Variants in SH3RF3 observed in about 807,000 individuals in gnomAD.
The protein encoded by SH3RF3 is E3 ubiquitin-protein ligase SH3RF3.
Under a neutral mutation model 66.3 loss-of-function variants are expected in SH3RF3, and 29 were observed. The observed-to-expected ratio is 0.44, with a 90% CI of 0.33 to 0.60. The LOEUF is 0.60. Among genes scored for constraint, SH3RF3 ranks in the 20% least tolerant of loss-of-function variants. The probability of loss-of-function intolerance (pLI) is 0.04; values close to 1 mark genes in which losing one functional copy is unlikely to be tolerated. For missense variants in SH3RF3, 1,194 were observed against 1,190.9 expected (o/e 1.00, Z -0.04); for synonymous variants, 583 against 532.0 (o/e 1.10, Z -1.32).
Position 109,129,279 on chromosome 2 carries a change from G to A in SH3RF3, c.-262G>A. The A allele has an allele frequency of 1.5e-6, 1 of 645,782 alleles. No homozygotes were observed. Among genetic ancestry groups the A allele is most frequent in the Non-Finnish European group, 2.7e-6 (1 of 375,350 alleles). 40.0% of individuals were successfully genotyped at this position (645,782 alleles called of 1,614,324 possible). A position where few individuals can be genotyped will look rare whatever the true frequency, so the allele number is the denominator to read the frequency against. ...GGGGCGGACTTGCGGCGGGACAGGT[G>A]TAGCCCGCAGCCGCAGGCGCTGCGC... is the stretch of plus-strand genomic sequence containing the variant. On this transcript the variant is annotated 5_prime_UTR_variant, in exon 1 of 10. Transcript: ENST00000309415.
chr2:109,426,727 G>A (rs1272149508), intron 5 of SH3RF3, among the ~76,000 whole-genome samples: 1 of 152,156 alleles, frequency 6.6e-6, no homozygotes, highest in Non-Finnish European at 1.5e-5. Flanking sequence ...TCTACTGTGG[G>A]TAAAATGCTG....
At chr2:109,200,578 C>T (rs533094017) in intron 1 of SH3RF3, among the ~76,000 whole-genome samples, 23 of 152,256 alleles carry the variant, frequency 1.5e-4, no homozygotes, top group Admixed American at 1.0e-3. Flanking sequence ...TTCTAGGCAC[C>T]GCCGACCTTT....
intron 1 of SH3RF3, among the ~76,000 whole-genome samples, chr2:109,249,963 C>T (rs996462255): frequency 2.0e-5 from 3 of 151,894 alleles, no homozygotes; most frequent in Admixed American, 1.3e-4. Flanking sequence ...GGATTACAGG[C>T]GTGAGCCACC....
intron 6 of SH3RF3, among the ~76,000 whole-genome samples, chr2:109,436,184 C>T (rs553398552): frequency 6.6e-6 from 1 of 152,340 alleles, no homozygotes; most frequent in African/African-American, 2.4e-5. Flanking sequence ...AAATGGAAGA[C>T]ATTTAATTCC....
chr2:109,497,167 A>T (rs539504532), intron 9 of SH3RF3, among the ~76,000 whole-genome samples: 1 of 152,228 alleles, frequency 6.6e-6, no homozygotes, highest in East Asian at 1.9e-4. Flanking sequence ...CGTTATAGCC[A>T]TAAACAACTA....
rs1317856733 is a variant in SH3RF3 at position 109,292,635 on chromosome 2, A to G, written c.574-55039A>G. Among the ~76,000 whole-genome samples the G allele has an allele frequency of 1.3e-5, 2 of 152,138 alleles. 1 individual carries two copies. The highest frequency in any genetic ancestry group is 1.3e-4 in the Admixed American group (2 of 15,276). ...TTTTCTTTCCTCTTGCCAATTTTCT[A>G]TCTATAGACTCTGCCTAGAAAAGCG... On this transcript the variant is annotated intron_variant, in intron 1 of 9. Transcript: ENST00000309415.
chr2:109,496,769 A>G (rs1679272250), intron 9 of SH3RF3, among the ~76,000 whole-genome samples: 1 of 122,872 alleles, frequency 8.1e-6, no homozygotes, highest in Admixed American at 9.3e-5. Context: ...CTATGTTACC[A>G]TACATGGCAA....
At chr2:109,181,359 G>A (rs1013271593) in intron 1 of SH3RF3, among the ~76,000 whole-genome samples, 1 of 152,124 alleles carries the variant, frequency 6.6e-6, no homozygotes, top group Non-Finnish European at 1.5e-5. Flanking sequence ...TAAATTACAG[G>A]TTTTACCAGG....
At chr2:109,282,751 G>A (rs929134968) in intron 1 of SH3RF3, among the ~76,000 whole-genome samples, 24 of 152,156 alleles carry the variant, frequency 1.6e-4, no homozygotes, top group African/African-American at 4.8e-4. Flanking sequence ...TCCTCAGAAC[G>A]GCCAAAGGAG....
chr2:109,492,143 G>A (rs935995020), intron 9 of SH3RF3, among the ~76,000 whole-genome samples: 3 of 152,196 alleles, frequency 2.0e-5, no homozygotes, highest in African/African-American at 7.2e-5. Flanking sequence ...ATGGGCCGGT[G>A]TCCCAGTAAA....
At chr2:109,274,229 T>C (rs1480861908) in intron 1 of SH3RF3, among the ~76,000 whole-genome samples, 2 of 152,222 alleles carry the variant, frequency 1.3e-5, no homozygotes, top group Non-Finnish European at 2.9e-5. Flanking sequence ...AGATTTCAAG[T>C]TCATTGGTCC....
At chr2:109,206,641 T>A (rs553884506) in intron 1 of SH3RF3, among the ~76,000 whole-genome samples, 1 of 151,928 alleles carries the variant, frequency 6.6e-6, no homozygotes, top group Non-Finnish European at 1.5e-5. Flanking sequence ...AGACCCTGTC[T>A]CTACAAAAAA....
At chr2:109,266,679 C>T (rs970282145) in intron 1 of SH3RF3, among the ~76,000 whole-genome samples, 2 of 152,028 alleles carry the variant, frequency 1.3e-5, no homozygotes, top group Non-Finnish European at 2.9e-5. Context: ...AGCCAGTGCT[C>T]AGCCACAGAT....
chr2:109,373,257 A>G (rs947453829), intron 3 of SH3RF3, among the ~76,000 whole-genome samples: 2 of 152,230 alleles, frequency 1.3e-5, no homozygotes, highest in African/African-American at 4.8e-5. Flanking sequence ...ACCACTTACA[A>G]TGTCGTCCAG....
chr2:109,418,939 C>T (rs1200354837), intron 4 of SH3RF3, among the ~76,000 whole-genome samples: 2 of 152,168 alleles, frequency 1.3e-5, no homozygotes, highest in Admixed American at 6.5e-5. Context: ...CCCTCGGCCC[C>T]CCCACTGTCC....
intron 1 of SH3RF3, among the ~76,000 whole-genome samples, chr2:109,271,595 G>A (rs1680627081): frequency 6.6e-6 from 1 of 152,224 alleles, no homozygotes; most frequent in African/African-American, 2.4e-5. Flanking sequence ...AGGACCTTCT[G>A]GAGTGGGGAC....
intron 3 of SH3RF3, 133 bp from the exon 4 acceptor site, chr2:109,398,457 T>C (rs2104439381): frequency 1.2e-6 from 1 of 845,564 alleles, no homozygotes; most frequent in African/African-American, 1.7e-5. Context: ...CTCTTCTGTG[T>C]TTTCCCTGCA....
chr2:109,177,284 G>C (rs1340503396), intron 1 of SH3RF3, among the ~76,000 whole-genome samples: 1 of 152,214 alleles, frequency 6.6e-6, no homozygotes, highest in Non-Finnish European at 1.5e-5. Context: ...GGCTGGTGCA[G>C]AGAAGGAGCC....
chr2:109,313,854 C>A (rs544781244), intron 1 of SH3RF3, among the ~76,000 whole-genome samples: 5 of 152,112 alleles, frequency 3.3e-5, no homozygotes, highest in Admixed American at 6.5e-5. Context: ...GAGGTGGGCT[C>A]AGCCAGAGCA....
Sources: allele counts gnomAD v4.1 joint callset (sites outside exome capture counted in the v4.1 genomes callset), GRCh38; gene constraint gnomAD v4.1.1; transcripts MANE v1.5; gene names NCBI Gene and HGNC (gene_info 2026-07-23, HGNC 2026-07-21).